The following SMAP1 variants were observed in gnomAD, a reference collection of about 807,000 sequenced individuals.
SMAP1 encodes the protein stromal membrane-associated protein 1.
A neutral mutation model predicts 58.5 loss-of-function variants in SMAP1; 24 were observed. The observed-to-expected ratio is 0.41, with a 90% confidence interval of 0.30 to 0.58. SMAP1 has a LOEUF of 0.58. Among genes scored for constraint, SMAP1 ranks in the 20% least tolerant of loss-of-function variants. The pLI, the probability that SMAP1 is intolerant of heterozygous loss-of-function variation, is 0.29. For missense variants in SMAP1, 563 were observed against 566.3 expected (o/e 0.99, Z 0.06); for synonymous variants, 216 against 196.6 (o/e 1.10, Z -0.82).
At chr6:70,754,850 T>C in intron 2 of SMAP1, 130 bp from the exon 3 acceptor site, 1 of 504,728 alleles carries the variant, frequency 2.0e-6, no homozygotes, top group South Asian at 3.3e-5. Flanking sequence ...TTAAATTATA[T>C]TTCTAAGGAG....
chr6:70,770,536 T>C (rs1037666736), intron 3 of SMAP1, among the ~76,000 whole-genome samples: 2 of 152,220 alleles, frequency 1.3e-5, no homozygotes, highest in Non-Finnish European at 2.9e-5. Context: ...TCCAGTTGAT[T>C]GCATCGGCTC....
intron 9 of SMAP1, 139 bp from the exon 10 acceptor site, chr6:70,857,783 C>G: frequency 1.2e-6 from 1 of 851,538 alleles, no homozygotes; most frequent in Non-Finnish European, 1.8e-6. Flanking sequence ...GTGGGTTGGT[C>G]TGAGTAGTAG....
chr6:70,759,312 C>T (rs1402010784), intron 3 of SMAP1, among the ~76,000 whole-genome samples: 1 of 151,980 alleles, frequency 6.6e-6, no homozygotes, highest in Non-Finnish European at 1.5e-5. Context: ...ATATATATGA[C>T]CCCTCGAATT....
At chr6:70,823,756 TTTTTTA>T (rs1463606842) in intron 6 of SMAP1, among the ~76,000 whole-genome samples, 7 of 152,144 alleles carry the variant, frequency 4.6e-5, no homozygotes, top group Admixed American at 2.6e-4. Flanking sequence ...TGTTGTATTA[TTTTTTA>T]TTTTTATTTA....
At chr6:70,688,485 A>G (rs1489404001) in intron 1 of SMAP1, among the ~76,000 whole-genome samples, 1 of 152,114 alleles carries the variant, frequency 6.6e-6, no homozygotes, top group Non-Finnish European at 1.5e-5. Flanking sequence ...TTATTTTAGT[A>G]ATTATGTTAG....
chr6:70,788,297 T>C (rs1399182691), intron 4 of SMAP1, among the ~76,000 whole-genome samples: 2 of 98,248 alleles, frequency 2.0e-5, no homozygotes, highest in Non-Finnish European at 3.9e-5. Flanking sequence ...CTGGGGACTG[T>C]TGTGGGGTGG....
intron 6 of SMAP1, among the ~76,000 whole-genome samples, chr6:70,812,041 C>A (rs193057989): frequency 6.6e-6 from 1 of 152,234 alleles, no homozygotes; most frequent in East Asian, 1.9e-4. Flanking sequence ...TTACTCAGAA[C>A]CGTGTGTAAT....
At chr6:70,744,271 C>A (rs1305149974) in intron 2 of SMAP1, among the ~76,000 whole-genome samples, 2 of 151,704 alleles carry the variant, frequency 1.3e-5, no homozygotes, top group East Asian at 1.9e-4. Flanking sequence ...TTTGCTGCAA[C>A]CCATCAACTC....
chr6:70,841,426 C>T (rs1378384770), intron 7 of SMAP1, among the ~76,000 whole-genome samples: 1 of 152,042 alleles, frequency 6.6e-6, no homozygotes, highest in Non-Finnish European at 1.5e-5. Flanking sequence ...CTCTCAGTGC[C>T]CCAGAAAGCA....
At chr6:70,673,598 T>G (rs1436886048) in intron 1 of SMAP1, among the ~76,000 whole-genome samples, 1 of 152,258 alleles carries the variant, frequency 6.6e-6, no homozygotes, top group Non-Finnish European at 1.5e-5. Flanking sequence ...AAAGTTCACC[T>G]TGGGGAACTG....
intron 1 of SMAP1, among the ~76,000 whole-genome samples, chr6:70,706,852 A>G (rs1425434559): frequency 6.6e-6 from 1 of 152,194 alleles, no homozygotes; most frequent in Non-Finnish European, 1.5e-5. Context: ...TAAAAGAGGA[A>G]GTAGAATAAA....
At chr6:70,762,982 AG>A (rs1766814750) in intron 3 of SMAP1, among the ~76,000 whole-genome samples, 1 of 152,070 alleles carries the variant, frequency 6.6e-6, no homozygotes, top group African/African-American at 2.4e-5. Context: ...ATTCAACTCC[AG>A]AAGATTGTAT....
chr6:70,702,467 C>A (rs1330028472), intron 1 of SMAP1, among the ~76,000 whole-genome samples: 1 of 151,318 alleles, frequency 6.6e-6, no homozygotes, highest in Non-Finnish European at 1.5e-5. Context: ...GCAGTTTTTT[C>A]TTCTTGATTG....
chr6:70,784,497 CACAG>C (rs1767913000), intron 4 of SMAP1, among the ~76,000 whole-genome samples: 1 of 152,152 alleles, frequency 6.6e-6, no homozygotes, highest in Non-Finnish European at 1.5e-5. Context: ...AATTAAAAGA[CACAG>C]ACTGGCAAAA....
chr6:70,835,946 G>A (rs1770563921), intron 6 of SMAP1, among the ~76,000 whole-genome samples: 1 of 152,154 alleles, frequency 6.6e-6, no homozygotes, highest in South Asian at 2.1e-4. Flanking sequence ...TTCGGCTCCT[G>A]AGAACTAGAA....
intron 1 of SMAP1, among the ~76,000 whole-genome samples, chr6:70,668,368 C>T (rs1286727868): frequency 1.3e-5 from 2 of 152,206 alleles, no homozygotes; most frequent in Admixed American, 6.5e-5. Flanking sequence ...GTGGCCCCAG[C>T]CTCCCCTCCT....
intron 3 of SMAP1, among the ~76,000 whole-genome samples, chr6:70,770,179 A>C (rs1168390748): frequency 2.6e-5 from 4 of 151,632 alleles, no homozygotes; most frequent in Admixed American, 6.6e-5. Context: ...GCTGCCCTTA[A>C]CATTTTTTCC....
chr6:70,801,995 C>T (rs147606770), intron 6 of SMAP1, among the ~76,000 whole-genome samples: 153 of 152,262 alleles, frequency 1.0e-3, no homozygotes, highest in African/African-American at 3.6e-3. Flanking sequence ...CTTGGCAATG[C>T]GGGCTCTTTT....
At chr6:70,687,273 AT>A (rs547131118) in intron 1 of SMAP1, among the ~76,000 whole-genome samples, 61 of 152,316 alleles carry the variant, frequency 4.0e-4, no homozygotes, top group Admixed American at 1.4e-3. Flanking sequence ...ATTTTCTTAA[AT>A]TTGTGATGAA....
Sources: gnomAD v4.1 joint callset for allele counts (sites outside exome capture counted in the v4.1 genomes callset) on GRCh38, gnomAD v4.1.1 for gene constraint, MANE v1.5 for transcripts, NCBI Gene and HGNC (gene_info 2026-07-23, HGNC 2026-07-21) for gene names.